FDFT1: variants seen among roughly 807,000 people sequenced by gnomAD.
The protein encoded by FDFT1 is farnesyl-diphosphate farnesyltransferase 1.
In FDFT1, 68 loss-of-function variants were observed where a neutral mutation model predicts 46.8. That is an observed-to-expected ratio of 1.45 (90% CI 1.19 to 1.78). FDFT1 has a LOEUF of 1.78. Among genes scored for constraint, FDFT1 ranks in the 40% most tolerant of loss-of-function variants. The pLI is 0.00. For missense variants in FDFT1, 928 were observed against 524.4 expected, an observed-to-expected ratio of 1.77 and a Z score of -7.52; for synonymous variants, 351 against 185.1, an observed-to-expected ratio of 1.90 and a Z score of -7.28.
In FDFT1 at chr8:11,810,770, A is replaced by G. The variant is rs1807604852; in HGVS notation, c.381+920A>G. On this transcript the variant is annotated intron_variant, in intron 3 of 7. Coordinates refer to ENST00000220584, the MANE Select transcript of FDFT1 (RefSeq NM_004462.5). ...AGTCACATGTTGTGTAATAGCTCGA[A>G]GAAGCCCTTTTTGTCCACAGTTGCC... Among the ~76,000 whole-genome samples the G allele has an allele frequency of 2.0e-5, 3 of 152,256 alleles. No homozygotes were observed. In the South Asian group the frequency reaches 6.2e-4, roughly 32 times the overall value.
chr8:11,825,580 C>T (rs921982280), intron 4 of FDFT1, among the ~76,000 whole-genome samples: 5 of 148,722 alleles, frequency 3.4e-5, no homozygotes, highest in Admixed American at 6.7e-5. Context: ...AAGCTAGACA[C>T]GGTGGTATTT....
At chr8:11,809,588 G>A in intron 2 of FDFT1, 79 bp from the exon 3 acceptor site, 1 of 1,417,492 alleles carries the variant, frequency 7.1e-7, no homozygotes, top group Non-Finnish European at 9.5e-7. Context: ...TTTAGAAAGT[G>A]GCCAGGCACA....
At chr8:11,819,501 C>CT (rs1215460185) in intron 3 of FDFT1, among the ~76,000 whole-genome samples, 33 of 152,196 alleles carry the variant, frequency 2.2e-4, no homozygotes, top group African/African-American at 5.8e-4. Flanking sequence ...TAGCATTGGT[C>CT]TTTTCACATA....
intron 3 of FDFT1, among the ~76,000 whole-genome samples, chr8:11,819,574 C>T (rs535577879): frequency 6.6e-6 from 1 of 152,054 alleles, no homozygotes; most frequent in South Asian, 2.1e-4. Flanking sequence ...ATCTTGTCTT[C>T]TTGCTTTATT....
chr8:11,819,765 T>C (rs750023936), intron 3 of FDFT1, among the ~76,000 whole-genome samples: 3 of 152,146 alleles, frequency 2.0e-5, no homozygotes, highest in Non-Finnish European at 4.4e-5. Flanking sequence ...CTCAAGGTTT[T>C]AAGTTTCCTT....
At chr8:11,821,314 C>G (rs940314375) in intron 3 of FDFT1, among the ~76,000 whole-genome samples, 1 of 152,172 alleles carries the variant, frequency 6.6e-6, no homozygotes, top group Non-Finnish European at 1.5e-5. Context: ...AACATGAGGC[C>G]GGGCTCAGTG....
chr8:11,800,601 A>C (rs1480062785), upstream of FDFT1, among the ~76,000 whole-genome samples: 44 of 152,230 alleles, frequency 2.9e-4, no homozygotes. Flanking sequence ...AAGGAAGAGG[A>C]ACAGGCTATG....
rs543130570 is a variant in FDFT1, at chr8:11,831,693, G to C, written c.1032+23G>C. ...GAGGTGGGTTTTTATTTAACTACTT[G>C]GATAATTTGTAGCTACTTTTATGAT... On this transcript the variant is annotated intron_variant, in intron 7 of 7. Coordinates refer to ENST00000220584, the MANE Select transcript of FDFT1 (RefSeq NM_004462.5). 2.6e-5 allele frequency: 42 copies of C among 1,590,198 alleles called. No individual in the cohort carries two copies. In the African/African-American group the frequency reaches 5.2e-4, roughly 20 times the overall value.
At chr8:11,802,661 G>C (rs892802256), upstream of FDFT1, 8 of 614,106 alleles carry the variant, frequency 1.3e-5, no homozygotes, top group Admixed American at 1.1e-4. Context: ...CCCCGCTGGC[G>C]GCCGAGGCCG....
intron 3 of FDFT1, among the ~76,000 whole-genome samples, chr8:11,821,281 A>G (rs1370096223): frequency 2.0e-5 from 3 of 152,228 alleles, no homozygotes; most frequent in Non-Finnish European, 4.4e-5. Context: ...TTTAATATTT[A>G]TGAAATTTAT....
rs150995048 is a variant in FDFT1, at chr8:11,808,224, C to G, written c.100-570C>G. 2.8e-4 allele frequency: 328 copies of G among 1,171,340 alleles called. 2 individuals are homozygous for G. The African/African-American group carries it at 4.6e-3, about 17-fold the overall frequency. 72.6% of individuals were successfully genotyped at this position (1,171,340 alleles called of 1,614,324 possible). ...TTGGGAAGAGGATTTCAGCGGAGCC[C>G]GAGTAGAGTTTGGTCTAGGGAGACT... is the stretch of plus-strand genomic sequence containing the variant. On this transcript the variant is annotated intron_variant, in intron 1 of 7. Coordinates refer to ENST00000220584, the MANE Select transcript of FDFT1 (RefSeq NM_004462.5).
At chr8:11,802,340 G>A, upstream of FDFT1, 1 of 418,412 alleles carries the variant, frequency 2.4e-6, no homozygotes, top group South Asian at 1.7e-5. Flanking sequence ...TTGACCAAGT[G>A]GGGAGGAAGC....
chr8:11,809,770 C>G lies in FDFT1; in HGVS notation c.301C>G (p.His101Asp), dbSNP rs145118363. 3.7e-6 allele frequency: 6 copies of G among 1,614,074 alleles called. No individual in the cohort carries two copies. Among genetic ancestry groups the G allele is most frequent in the African/African-American group, 1.3e-5 (1 of 74,930 alleles). ...EKKVPLLHNFHSFLYQPDWRF... is the reference protein window; with the variant it reads ...EKKVPLLHNFDSFLYQPDWRF... ...GAAGGTCCCGCTGTTACACAACTTT[C>G]ACTCTTTCCTTTACCAACCAGACTG... is the stretch of plus-strand genomic sequence containing the variant. Residue 101 changes from histidine (H) to aspartate (D), a missense_variant, in exon 3 of 8, where the codon CAC becomes GAC. His to Asp is a moderately conservative substitution (Grantham distance 81). Coordinates refer to ENST00000220584, the MANE Select transcript of FDFT1 (RefSeq NM_004462.5).
At chr8:11,804,629 A>C (rs1335317350) in intron 1 of FDFT1, among the ~76,000 whole-genome samples, 1 of 90,452 alleles carries the variant, frequency 1.1e-5, no homozygotes, top group African/African-American at 4.3e-5. Flanking sequence ...TTTGAGATGG[A>C]GTCTTGCTCT....
intron 7 of FDFT1, among the ~76,000 whole-genome samples, chr8:11,832,550 T>TAAAAAA (rs1810947003): frequency 7.5e-5 from 1 of 13,412 alleles, no homozygotes; most frequent in African/African-American, 1.7e-4. Flanking sequence ...AGACTTTGTC[T>TAAAAAA]CAAAAAAAAA....
upstream of FDFT1, among the ~76,000 whole-genome samples, chr8:11,801,493 T>C (rs112056952): frequency 0.13 from 19,508 of 152,210 alleles, 1,362 homozygotes; most frequent in Middle Eastern, 0.17. Flanking sequence ...CTAATTTTTG[T>C]ATTTTTAGTA....
intron 7 of FDFT1, 114 bp downstream of exon 7, chr8:11,831,784 C>G (rs1035053246): frequency 6.7e-6 from 6 of 890,160 alleles, no homozygotes; most frequent in Non-Finnish European, 9.0e-6. Flanking sequence ...TATCCTGTGG[C>G]CTAAAGAGAC....
At chr8:11,829,189 T>C (rs565995836) in intron 5 of FDFT1, among the ~76,000 whole-genome samples, 1 of 152,346 alleles carries the variant, frequency 6.6e-6, no homozygotes, top group South Asian at 2.1e-4. Flanking sequence ...ATACTTAACA[T>C]TTTATTTATA....
At chr8:11,835,605 T>G (rs1246971271) in intron 7 of FDFT1, among the ~76,000 whole-genome samples, 2 of 152,204 alleles carry the variant, frequency 1.3e-5, no homozygotes, top group African/African-American at 4.8e-5. Flanking sequence ...TGCCAGCGAT[T>G]GATTCCAAAT....
Sources: gnomAD v4.1 joint callset for allele counts (sites outside exome capture counted in the v4.1 genomes callset) on GRCh38, gnomAD v4.1.1 for gene constraint, MANE v1.5 for transcripts, NCBI Gene and HGNC (gene_info 2026-07-23, HGNC 2026-07-21) for gene names.